The following C12orf42 variants were observed in gnomAD, a reference collection of about 807,000 sequenced individuals.
C12orf42 encodes the protein uncharacterized protein C12orf42.
Under a neutral mutation model 21.6 loss-of-function variants are expected in C12orf42, and 25 were observed. That is an observed-to-expected ratio of 1.16 (90% CI 0.84 to 1.62). The LOEUF is 1.62. Among genes scored for constraint, C12orf42 ranks in the 40% most tolerant of loss-of-function variants. The pLI, the probability that C12orf42 is intolerant of heterozygous loss-of-function variation, is 0.00. For synonymous variants in C12orf42, 174 were observed against 175.0 expected (o/e 0.99, Z 0.05); for missense variants, 483 against 459.3 (o/e 1.05, Z -0.47).
chr12:103,491,952 G>GT (rs34412956), intron 1 of C12orf42, among the ~76,000 whole-genome samples: 1,353 of 71,574 alleles, frequency 0.019, 18 homozygotes, highest in African/African-American at 0.041. Flanking sequence ...TTTCAATTTT[G>GT]TTTTTTTTTT....
At chr12:103,115,025 C>T in the C12orf42 span, among the ~76,000 whole-genome samples, 1 of 152,228 alleles carries the variant, frequency 6.6e-6, no homozygotes, top group Non-Finnish European at 1.5e-5. Flanking sequence ...CACTGAACTT[C>T]AGTCTCCCTG....
At chr12:103,535,050 T>C in the C12orf42 span, among the ~76,000 whole-genome samples, 2 of 152,224 alleles carry the variant, frequency 1.3e-5, no homozygotes, top group African/African-American at 2.4e-5. Flanking sequence ...AGTGATACTT[T>C]GTCTACTGTT....
chr12:103,111,434 T>A, the C12orf42 span, among the ~76,000 whole-genome samples: 1 of 152,212 alleles, frequency 6.6e-6, no homozygotes, highest in Non-Finnish European at 1.5e-5. Flanking sequence ...GTTTACATCA[T>A]TTACCATTCA....
chr12:103,312,673 T>C (rs369295695), intron 4 of C12orf42, among the ~76,000 whole-genome samples: 11 of 152,324 alleles, frequency 7.2e-5, no homozygotes, highest in African/African-American at 2.6e-4. Context: ...AAAAAAATTC[T>C]CCCAAATATT....
chr12:103,133,940 T>G, the C12orf42 span, among the ~76,000 whole-genome samples: 23 of 152,224 alleles, frequency 1.5e-4, no homozygotes, highest in African/African-American at 5.5e-4. Flanking sequence ...TCTGCCATGA[T>G]TGTACATCTC....
chr12:103,294,490 A>AAGCAAGC (rs1566025590), intron 4 of C12orf42, among the ~76,000 whole-genome samples: 4 of 81,768 alleles, frequency 4.9e-5, no homozygotes, highest in Admixed American at 2.2e-4. Context: ...AGCAAGCAAG[A>AAGCAAGC]AAGAAAGAAA....
At chr12:103,141,059 C>T in the C12orf42 span, among the ~76,000 whole-genome samples, 1 of 152,204 alleles carries the variant, frequency 6.6e-6, no homozygotes. Flanking sequence ...TCAAGGCCTA[C>T]TTTGACTATA....
At chr12:103,093,833 G>A in the C12orf42 span, among the ~76,000 whole-genome samples, 2 of 152,208 alleles carry the variant, frequency 1.3e-5, no homozygotes, top group African/African-American at 4.8e-5. Flanking sequence ...GCCAGCAGAA[G>A]TGACTCAAGA....
chr12:103,084,474 G>C, the C12orf42 span, among the ~76,000 whole-genome samples: 1 of 152,146 alleles, frequency 6.6e-6, no homozygotes, highest in African/African-American at 2.4e-5. Flanking sequence ...ATGCCATGGT[G>C]GTTTGCTGCA....
chr12:103,364,388 G>C (rs974744522), intron 4 of C12orf42, among the ~76,000 whole-genome samples: 1 of 151,830 alleles, frequency 6.6e-6, no homozygotes, highest in Non-Finnish European at 1.5e-5. Context: ...ATATCAAAAA[G>C]TCTAAAAGAG....
At chr12:103,421,229 A>G (rs1379438521) in intron 2 of C12orf42, among the ~76,000 whole-genome samples, 1 of 152,174 alleles carries the variant, frequency 6.6e-6, no homozygotes, top group Non-Finnish European at 1.5e-5. Flanking sequence ...AATGTAGAAG[A>G]GAGGAAAGGA....
the C12orf42 span, among the ~76,000 whole-genome samples, chr12:103,517,799 C>T: frequency 2.6e-5 from 4 of 151,944 alleles, no homozygotes; most frequent in Non-Finnish European, 4.4e-5. Context: ...TTTAGCAAGG[C>T]GCTGCTCAGA....
chr12:103,235,222 C>A (rs1037860442), downstream of C12orf42, among the ~76,000 whole-genome samples: 1 of 152,142 alleles, frequency 6.6e-6, no homozygotes, highest in Non-Finnish European at 1.5e-5. Flanking sequence ...AATTTGGCAG[C>A]TCAGTTTACA....
intron 4 of C12orf42, among the ~76,000 whole-genome samples, chr12:103,312,921 G>A (rs2039106167): frequency 6.6e-6 from 1 of 152,148 alleles, no homozygotes; most frequent in African/African-American, 2.4e-5. Flanking sequence ...AATAGAAAAA[G>A]ACAAATATGT....
intron 2 of C12orf42, among the ~76,000 whole-genome samples, chr12:103,447,862 A>G (rs888457783): frequency 6.6e-6 from 1 of 152,084 alleles, no homozygotes; most frequent in Non-Finnish European, 1.5e-5. Context: ...GAAAACGACC[A>G]TACTGCCAAA....
At chr12:103,343,666 C>T (rs111689730) in intron 4 of C12orf42, among the ~76,000 whole-genome samples, 2,988 of 150,626 alleles carry the variant, frequency 0.02, 85 homozygotes, top group African/African-American at 0.068. Context: ...CCTAGATACT[C>T]GGGAGGCTGA....
chr12:103,122,776 C>G, the C12orf42 span, among the ~76,000 whole-genome samples: 2,054 of 152,134 alleles, frequency 0.014, 50 homozygotes, highest in African/African-American at 0.046. Context: ...GAGAGTCTTG[C>G]AGATCAATAT....
At chr12:103,492,634 T>G (rs1955254074) in intron 1 of C12orf42, among the ~76,000 whole-genome samples, 1 of 152,168 alleles carries the variant, frequency 6.6e-6, no homozygotes, top group Non-Finnish European at 1.5e-5. Flanking sequence ...ATCTCAGTAT[T>G]TCCAGTTCAG....
At chr12:103,332,310 A>C (rs529250610) in intron 4 of C12orf42, among the ~76,000 whole-genome samples, 1 of 152,340 alleles carries the variant, frequency 6.6e-6, no homozygotes, top group African/African-American at 2.4e-5. Flanking sequence ...TATCCTGTCC[A>C]GCACACTCAC....
Sources: allele counts gnomAD v4.1 joint callset (sites outside exome capture counted in the v4.1 genomes callset), GRCh38; gene constraint gnomAD v4.1.1; transcripts MANE v1.5; gene names NCBI Gene and HGNC (gene_info 2026-07-23, HGNC 2026-07-21).